Variants in CSMD2 observed in about 807,000 individuals in gnomAD.
The protein encoded by CSMD2 is CUB and Sushi multiple domains 2.
A neutral mutation model predicts 398.5 loss-of-function variants in CSMD2; 130 were observed. The observed-to-expected ratio is 0.33, with a 90% CI of 0.28 to 0.38. The LOEUF (loss-of-function observed/expected upper bound fraction) is 0.38, where lower values mean the gene tolerates loss of function less well. Among genes scored for constraint, CSMD2 ranks in the 10% least tolerant of loss-of-function variants. CSMD2 has a pLI of 1.00. For synonymous variants in CSMD2, 1,828 were observed against 1,908.5 expected (o/e 0.96, Z 1.10); for missense variants, 3,829 against 4,764.9 (o/e 0.80, Z 5.78).
chr1:33,602,774 T>C (rs1640315802), intron 42 of CSMD2, among the ~76,000 whole-genome samples: 1 of 152,136 alleles, frequency 6.6e-6, no homozygotes, highest in Non-Finnish European at 1.5e-5. Context: ...GGCCCCTCTG[T>C]GGGTCTGCCT....
intron 7 of CSMD2, among the ~76,000 whole-genome samples, chr1:33,823,538 A>G (rs1421631539): frequency 6.6e-6 from 1 of 152,060 alleles, no homozygotes; most frequent in African/African-American, 2.4e-5. Flanking sequence ...GGCAAGGGAG[A>G]AGCCGCAATG....
chr1:33,604,927 C>G (rs1286866848), intron 42 of CSMD2, among the ~76,000 whole-genome samples: 1 of 152,182 alleles, frequency 6.6e-6, no homozygotes, highest in African/African-American at 2.4e-5. Context: ...TTAACTCTAC[C>G]TCTCTAGCTC....
chr1:33,917,074 C>T (rs1332188565), intron 5 of CSMD2, among the ~76,000 whole-genome samples: 3 of 152,168 alleles, frequency 2.0e-5, no homozygotes, highest in Non-Finnish European at 2.9e-5. Flanking sequence ...CTATGCCCTC[C>T]GTCCATCCAC....
intron 32 of CSMD2, among the ~76,000 whole-genome samples, chr1:33,630,430 A>AAT (rs1224121145): frequency 2.0e-5 from 3 of 152,232 alleles, no homozygotes; most frequent in Non-Finnish European, 2.9e-5. Context: ...ATTTACTCCT[A>AAT]ACACTAACTT....
chr1:33,542,312 T>C (rs545301776), intron 58 of CSMD2, among the ~76,000 whole-genome samples: 12 of 152,298 alleles, frequency 7.9e-5, no homozygotes, highest in African/African-American at 1.7e-4. Flanking sequence ...GGCAGATAGC[T>C]GCATCTTTGA....
intron 13 of CSMD2, among the ~76,000 whole-genome samples, chr1:33,749,260 G>T (rs974668501): frequency 6.6e-6 from 1 of 151,824 alleles, no homozygotes; most frequent in South Asian, 2.1e-4. Flanking sequence ...CACCTCGCCC[G>T]GCTAATTTTT....
chr1:34,120,204 A>G (rs1403542115), intron 1 of CSMD2, among the ~76,000 whole-genome samples: 1 of 152,256 alleles, frequency 6.6e-6, no homozygotes, highest in Non-Finnish European at 1.5e-5. Context: ...AATAAGTCAC[A>G]AAAAGATATT....
At chr1:33,932,018 C>A (rs112084696) in intron 4 of CSMD2, among the ~76,000 whole-genome samples, 2,450 of 152,180 alleles carry the variant, frequency 0.016, 62 homozygotes, top group African/African-American at 0.055. Context: ...TGCAGAGGGA[C>A]ATGGGGGCCG....
intron 1 of CSMD2, among the ~76,000 whole-genome samples, chr1:34,096,212 C>G (rs917202513): frequency 2.0e-5 from 3 of 151,934 alleles, no homozygotes; most frequent in Non-Finnish European, 4.4e-5. Context: ...ATTCAACAAC[C>G]CTTCATGCTA....
intron 7 of CSMD2, among the ~76,000 whole-genome samples, chr1:33,823,090 A>C (rs1658345498): frequency 6.6e-6 from 1 of 152,112 alleles, no homozygotes; most frequent in Non-Finnish European, 1.5e-5. Context: ...ACGGGGCTGG[A>C]CTCAAGAGGC....
chr1:33,528,088 A>G (rs72887283), intron 64 of CSMD2, among the ~76,000 whole-genome samples: 4,526 of 152,170 alleles, frequency 0.03, 209 homozygotes, highest in African/African-American at 0.1. Flanking sequence ...CCTTGGAATG[A>G]TGAGATTAAG....
chr1:33,562,634 A>G (rs947518675), intron 53 of CSMD2, among the ~76,000 whole-genome samples: 1 of 152,206 alleles, frequency 6.6e-6, no homozygotes, highest in Non-Finnish European at 1.5e-5. Flanking sequence ...ATACCTAGAC[A>G]TATGGCCAAA....
chr1:33,829,256 A>G (rs146083764), intron 6 of CSMD2, among the ~76,000 whole-genome samples: 23 of 152,342 alleles, frequency 1.5e-4, no homozygotes, highest in African/African-American at 4.6e-4. Context: ...GGCACACACC[A>G]TATGGGAGCT....
At chr1:33,787,121 C>T (rs1158589884) in intron 12 of CSMD2, among the ~76,000 whole-genome samples, 1 of 152,162 alleles carries the variant, frequency 6.6e-6, no homozygotes, top group Non-Finnish European at 1.5e-5. Flanking sequence ...GATGCAGCTA[C>T]AGCCAAGGAA....
intron 3 of CSMD2, among the ~76,000 whole-genome samples, chr1:34,005,902 C>T (rs1490165018): frequency 6.6e-6 from 1 of 152,196 alleles, no homozygotes; most frequent in East Asian, 1.9e-4. Context: ...CTCTGTGATG[C>T]CTGAGGTCAG....
intron 1 of CSMD2, among the ~76,000 whole-genome samples, chr1:34,122,388 C>G (rs1242915414): frequency 1.3e-5 from 2 of 152,086 alleles, no homozygotes; most frequent in African/African-American, 2.4e-5. Flanking sequence ...CTGCAGGGGA[C>G]AAAATGGGAT....
chr1:33,951,334 C>A (rs754516854), intron 3 of CSMD2, among the ~76,000 whole-genome samples: 3 of 152,210 alleles, frequency 2.0e-5, no homozygotes, highest in Non-Finnish European at 2.9e-5. Flanking sequence ...GTCTTCACAC[C>A]TTGGTGGTTT....
chr1:33,809,224 A>T (rs1013357625), intron 10 of CSMD2, among the ~76,000 whole-genome samples: 2 of 151,962 alleles, frequency 1.3e-5, no homozygotes, highest in African/African-American at 4.8e-5. Flanking sequence ...CAAAGGCAAT[A>T]TGAAAAAACA....
intron 4 of CSMD2, among the ~76,000 whole-genome samples, chr1:33,934,785 C>T (rs1644418071): frequency 6.8e-6 from 1 of 147,622 alleles, no homozygotes; most frequent in South Asian, 2.1e-4. Context: ...CATTTGAGCT[C>T]AGGAGTTCAA....
Sources: gnomAD v4.1 joint callset for allele counts (sites outside exome capture counted in the v4.1 genomes callset) on GRCh38, gnomAD v4.1.1 for gene constraint, MANE v1.5 for transcripts, NCBI Gene and HGNC (gene_info 2026-07-23, HGNC 2026-07-21) for gene names.